Variants in EPHA5 observed in about 807,000 individuals in gnomAD.
EPHA5 encodes EPH receptor A5.
A neutral mutation model predicts 105.0 loss-of-function variants in EPHA5; 60 were observed. That is an observed-to-expected ratio of 0.57 (90% CI 0.46 to 0.71). The LOEUF (loss-of-function observed/expected upper bound fraction) is 0.71, where lower values mean the gene tolerates loss of function less well. Among genes scored for constraint, EPHA5 ranks in the 30% least tolerant of loss-of-function variants. The pLI, the probability that EPHA5 is intolerant of heterozygous loss-of-function variation, is 0.00. For synonymous variants in EPHA5, 513 were observed against 449.1 expected, an observed-to-expected ratio of 1.14 and a Z score of -1.80; for missense variants, 1,218 against 1,274.7, an observed-to-expected ratio of 0.96 and a Z score of 0.68.
chr4:65,424,469 A>C (rs1052339428), intron 5 of EPHA5, among the ~76,000 whole-genome samples: 3 of 152,108 alleles, frequency 2.0e-5, no homozygotes, highest in African/African-American at 7.2e-5. Flanking sequence ...GAACAATAAT[A>C]TAAATTCATT....
At chr4:65,535,324 T>C (rs1348483158) in intron 3 of EPHA5, among the ~76,000 whole-genome samples, 2 of 152,100 alleles carry the variant, frequency 1.3e-5, no homozygotes, top group Non-Finnish European at 2.9e-5. Context: ...GAGAAAATGC[T>C]GAATCACAAG....
intron 14 of EPHA5, among the ~76,000 whole-genome samples, chr4:65,342,349 T>A (rs1416130104): frequency 6.6e-6 from 1 of 152,090 alleles, no homozygotes; most frequent in Admixed American, 6.6e-5. Context: ...AAGACACTCA[T>A]TTTAGATTAC....
intron 15 of EPHA5, among the ~76,000 whole-genome samples, chr4:65,334,110 C>T (rs1317865061): frequency 2.0e-5 from 3 of 151,926 alleles, no homozygotes; most frequent in African/African-American, 7.2e-5. Flanking sequence ...CTCCCCACTC[C>T]AAAACCAAAC....
chr4:65,363,536 G>A (rs2148884412), intron 11 of EPHA5, among the ~76,000 whole-genome samples: 1 of 151,536 alleles, frequency 6.6e-6, no homozygotes, highest in South Asian at 2.1e-4. Context: ...GCTGCCTATG[G>A]AGTTTGCATT....
At chr4:65,325,580 A>G (rs981086398) in intron 16 of EPHA5, among the ~76,000 whole-genome samples, 2 of 151,410 alleles carry the variant, frequency 1.3e-5, no homozygotes, top group Admixed American at 1.3e-4. Flanking sequence ...ATTGGAATAT[A>G]AAAATAATAA....
At chr4:65,428,902 T>C (rs1724711996) in intron 5 of EPHA5, among the ~76,000 whole-genome samples, 2 of 152,062 alleles carry the variant, frequency 1.3e-5, no homozygotes, top group South Asian at 4.1e-4. Flanking sequence ...GCACTCATAG[T>C]ATTCTGTAAA....
chr4:65,535,857 A>G (rs1377948160), intron 3 of EPHA5, among the ~76,000 whole-genome samples: 1 of 151,986 alleles, frequency 6.6e-6, no homozygotes, highest in Non-Finnish European at 1.5e-5. Context: ...ATCCAATCTA[A>G]TTAGAAATAA....
chr4:65,404,694 C>CT (rs1272375194), intron 7 of EPHA5, among the ~76,000 whole-genome samples: 1 of 152,078 alleles, frequency 6.6e-6, no homozygotes, highest in Non-Finnish European at 1.5e-5. Context: ...GAGAGCATCA[C>CT]TAAGTCACTG....
At chr4:65,497,478 TAGG>T (rs1422566826) in intron 3 of EPHA5, among the ~76,000 whole-genome samples, 2 of 152,090 alleles carry the variant, frequency 1.3e-5, no homozygotes, top group African/African-American at 4.8e-5. Context: ...GTTAAATGAT[TAGG>T]AGAAGATTTA....
At chr4:65,527,041 A>C (rs958511884) in intron 3 of EPHA5, among the ~76,000 whole-genome samples, 2 of 152,058 alleles carry the variant, frequency 1.3e-5, no homozygotes, top group African/African-American at 4.8e-5. Context: ...TAAAATATTC[A>C]TATTGCCCAG....
chr4:65,616,519 CAGG>C (rs1198858185), intron 2 of EPHA5, among the ~76,000 whole-genome samples: 2 of 151,120 alleles, frequency 1.3e-5, no homozygotes, highest in African/African-American at 4.9e-5. Context: ...GATGAAAGGT[CAGG>C]AGAAGTTGTT....
intron 14 of EPHA5, among the ~76,000 whole-genome samples, chr4:65,347,252 T>C (rs1294229119): frequency 2.0e-5 from 3 of 152,158 alleles, no homozygotes; most frequent in Non-Finnish European, 2.9e-5. Context: ...AATGAAGTAA[T>C]AAAATAGTTG....
intron 6 of EPHA5, 75 bp from the exon 7 acceptor site, chr4:65,414,518 G>A (rs2149021603): frequency 6.7e-7 from 1 of 1,492,906 alleles, no homozygotes; most frequent in Non-Finnish European, 9.1e-7. Context: ...TAGAATCATA[G>A]ATCAGAAAAT....
chr4:65,386,432 T>C (rs1429052625), intron 8 of EPHA5, among the ~76,000 whole-genome samples: 2 of 152,098 alleles, frequency 1.3e-5, no homozygotes, highest in East Asian at 3.9e-4. Context: ...TGTCAATATG[T>C]ATAAACAATC....
chr4:65,564,401 A>C (rs1739322750), intron 3 of EPHA5, among the ~76,000 whole-genome samples: 2 of 151,820 alleles, frequency 1.3e-5, no homozygotes, highest in Admixed American at 1.3e-4. Flanking sequence ...AGATTGTCAA[A>C]ATTACTTATT....
chr4:65,539,965 C>T (rs1241049853), intron 3 of EPHA5, among the ~76,000 whole-genome samples: 3 of 151,316 alleles, frequency 2.0e-5, no homozygotes, highest in Non-Finnish European at 1.5e-5. Flanking sequence ...TTTGGAAAGC[C>T]ATTCTACAGA....
At chr4:65,333,244 GA>G (rs1207181365) in intron 15 of EPHA5, among the ~76,000 whole-genome samples, 1 of 151,498 alleles carries the variant, frequency 6.6e-6, no homozygotes, top group African/African-American at 2.4e-5. Context: ...GCAACTATAA[GA>G]AAAAGGACAC....
chr4:65,601,935 T>C lies in EPHA5; in HGVS notation c.616A>G (p.Ser206Gly), dbSNP rs545501956. The C allele has an allele frequency of 4.0e-5, 64 of 1,614,162 alleles. No homozygotes were observed. The South Asian group carries it at 6.5e-4, about 16-fold the overall frequency. The change falls in exon 3 of 17, where the codon AGC becomes GGC. Residue 206 changes from serine (S) to glycine (G), a missense_variant. Coordinates refer to ENST00000613740, the MANE Select transcript of EPHA5 (RefSeq NM_001281766.3). ...NTEVRDVGPL[S>G]KKGFYLAFQD... Reference sequence around the variant, plus strand: ...AAAGCAAGATAAAATCCCTTTTTGCTTAGAGGTCCTACATCTCTGACCTCT... The same window carrying C: ...AAAGCAAGATAAAATCCCTTTTTGCCTAGAGGTCCTACATCTCTGACCTCT...
intron 3 of EPHA5, among the ~76,000 whole-genome samples, chr4:65,586,646 GT>G (rs948692529): frequency 1.1e-4 from 17 of 149,744 alleles, no homozygotes; most frequent in Admixed American, 1.0e-3. Flanking sequence ...ATCCCAATGT[GT>G]TTTTTTTTCT....
Sources: allele counts gnomAD v4.1 joint callset (sites outside exome capture counted in the v4.1 genomes callset), GRCh38; gene constraint gnomAD v4.1.1; transcripts MANE v1.5; gene names NCBI Gene and HGNC (gene_info 2026-07-23, HGNC 2026-07-21).